The following OPCML variants were observed in gnomAD, a reference collection of about 807,000 sequenced individuals.
OPCML encodes the protein opioid-binding protein/cell adhesion molecule.
In OPCML, 13 loss-of-function variants were observed where a neutral mutation model predicts 37.8. That is an observed-to-expected ratio of 0.34 (90% confidence interval 0.22 to 0.55). OPCML has a LOEUF of 0.55. OPCML is among the 20% of genes least tolerant of loss of function. The pLI, the probability that OPCML is intolerant of heterozygous loss-of-function variation, is 0.91. For synonymous variants in OPCML, 176 were observed against 168.8 expected (o/e 1.04, Z -0.33); for missense variants, 341 against 435.6 (o/e 0.78, Z 1.93).
intron 1 of OPCML, among the ~76,000 whole-genome samples, chr11:132,957,406 G>T (rs1186049782): frequency 6.6e-6 from 1 of 152,098 alleles, no homozygotes; most frequent in African/African-American, 2.4e-5. Flanking sequence ...CATAATCAGA[G>T]TTCTCCAGGG....
In OPCML at chr11:132,657,071, T is replaced by C. The variant is rs756878267; in HGVS notation, c.379+16A>G. ...CACTGACGGGAATGGCAACCCCAGA[T>C]CCAGCTGGGACTTACCTTGCACTAT... is the stretch of plus-strand genomic sequence containing the variant. On this transcript the variant is annotated intron_variant, in intron 3 of 7. Coordinates refer to ENST00000524381, the MANE Select transcript of OPCML (RefSeq NM_001012393.5). 2.5e-6 allele frequency: 4 copies of C among 1,610,924 alleles called. No homozygotes were observed. Among genetic ancestry groups the C allele is most frequent in the Non-Finnish European group, 3.4e-6 (4 of 1,177,612 alleles).
At chr11:133,083,389 C>G (rs564047605) in intron 1 of OPCML, among the ~76,000 whole-genome samples, 1 of 152,142 alleles carries the variant, frequency 6.6e-6, no homozygotes, top group Non-Finnish European at 1.5e-5. Context: ...ATACTGGTGC[C>G]CCTGTCTCGG....
At chr11:132,670,111 C>T (rs951886303) in intron 2 of OPCML, among the ~76,000 whole-genome samples, 1 of 152,194 alleles carries the variant, frequency 6.6e-6, no homozygotes, top group Admixed American at 6.5e-5. Flanking sequence ...CAAGCACACA[C>T]CATTTTAATT....
chr11:133,103,728 T>C (rs1949118513), intron 1 of OPCML, among the ~76,000 whole-genome samples: 1 of 152,210 alleles, frequency 6.6e-6, no homozygotes, highest in Non-Finnish European at 1.5e-5. Context: ...CAGGCCTTCC[T>C]AGCAGCCAGA....
intron 1 of OPCML, chr11:133,299,026 A>G (rs1942710630): frequency 6.6e-6 from 1 of 152,190 alleles, no homozygotes. Flanking sequence ...GTGTAGTATC[A>G]TAGGGTCATC....
intron 2 of OPCML, among the ~76,000 whole-genome samples, chr11:132,889,127 A>G (rs1428270815): frequency 1.3e-5 from 2 of 152,238 alleles, no homozygotes; most frequent in African/African-American, 4.8e-5. Context: ...TGTTTGCCTC[A>G]GGACTGCAAC....
intron 1 of OPCML, among the ~76,000 whole-genome samples, chr11:133,072,434 TAGAA>T (rs1948553155): frequency 6.6e-6 from 1 of 152,076 alleles, no homozygotes; most frequent in Non-Finnish European, 1.5e-5. Flanking sequence ...TAAAAGCAGT[TAGAA>T]AGAGAAAATA....
chr11:132,641,986 C>G (rs1432721293), intron 3 of OPCML, among the ~76,000 whole-genome samples: 2 of 152,142 alleles, frequency 1.3e-5, no homozygotes, highest in Non-Finnish European at 2.9e-5. Context: ...TCTTTTGAAA[C>G]TAGAGAATAG....
chr11:132,779,094 A>C (rs1946907542), intron 2 of OPCML, among the ~76,000 whole-genome samples: 1 of 149,556 alleles, frequency 6.7e-6, no homozygotes, highest in Admixed American at 6.8e-5. Context: ...CAGCCTCCTG[A>C]GTAGCTGGGA....
chr11:132,478,146 T>C (rs1326243203), intron 4 of OPCML, among the ~76,000 whole-genome samples: 1 of 152,240 alleles, frequency 6.6e-6, no homozygotes, highest in Non-Finnish European at 1.5e-5. Context: ...TGAAATGATA[T>C]AATACAGTAT....
intron 2 of OPCML, among the ~76,000 whole-genome samples, chr11:132,866,821 A>G (rs556931283): frequency 1.3e-5 from 2 of 152,312 alleles, no homozygotes; most frequent in Admixed American, 6.5e-5. Flanking sequence ...AACTTAAGCA[A>G]CTTTCTTCAG....
intron 2 of OPCML, among the ~76,000 whole-genome samples, chr11:132,855,477 G>A (rs961464081): frequency 6.6e-6 from 1 of 152,202 alleles, no homozygotes; most frequent in African/African-American, 2.4e-5. Flanking sequence ...TGTTGTCTCA[G>A]CAAATTGGGT....
Position 132,417,492 on chromosome 11 carries a change from T to C in OPCML, c.*2701A>G, listed in dbSNP as rs534595012. ...CACCAGAGGGGCATCTTAGTATCCTTTGGAAGGGGGAACAGCAGGGTTCCA... is the reference window on the plus strand; with the variant it reads ...CACCAGAGGGGCATCTTAGTATCCTCTGGAAGGGGGAACAGCAGGGTTCCA... On this transcript the variant is annotated 3_prime_UTR_variant, in exon 8 of 8. Coordinates refer to ENST00000524381, the MANE Select transcript of OPCML (RefSeq NM_001012393.5). 59 of 152,264 alleles carry C rather than the reference T, an allele frequency of 3.9e-4. 1 individual carries two copies. The highest frequency in any genetic ancestry group is 1.3e-3 in the African/African-American group (56 of 41,544). The allele number at this position is 152,264 out of a possible 1,614,324, so 9.4% of individuals were successfully genotyped here. A position where few individuals can be genotyped will look rare whatever the true frequency, so the allele number is the denominator to read the frequency against.
Position 132,781,157 on chromosome 11 carries a change from G to A in OPCML, c.147-123838C>T, listed in dbSNP as rs115912006. On this transcript the variant is annotated intron_variant, in intron 2 of 7. Transcript: ENST00000524381. ...TGTGTCAAGCTAATGAGGCCACAGC[G>A]TGCCCAGACATTTGGTCAACCGTTA... Among the ~76,000 whole-genome samples the A allele has an allele frequency of 2.2e-3, 342 of 152,150 alleles. 2 individuals are homozygous for A. The highest frequency in any genetic ancestry group is 7.9e-3 in the African/African-American group (326 of 41,514).
At chr11:133,191,700 G>T (rs1394636700) in intron 1 of OPCML, among the ~76,000 whole-genome samples, 1 of 151,998 alleles carries the variant, frequency 6.6e-6, no homozygotes, top group Non-Finnish European at 1.5e-5. Flanking sequence ...CACCATGTTG[G>T]CCAGGCTGGT....
intron 3 of OPCML, among the ~76,000 whole-genome samples, chr11:132,545,239 G>A (rs1203083900): frequency 6.6e-6 from 1 of 152,144 alleles, no homozygotes; most frequent in Non-Finnish European, 1.5e-5. Flanking sequence ...TTATGGAGCT[G>A]TGAAGTGGCG....
intron 1 of OPCML, among the ~76,000 whole-genome samples, chr11:133,234,901 G>T (rs1940442772): frequency 6.6e-6 from 1 of 152,068 alleles, no homozygotes; most frequent in African/African-American, 2.4e-5. Context: ...CTCGTCTCTG[G>T]CCAAGCCTAT....
intron 2 of OPCML, among the ~76,000 whole-genome samples, chr11:132,886,778 T>C (rs1235637189): frequency 3.3e-5 from 5 of 152,202 alleles, no homozygotes; most frequent in Non-Finnish European, 7.3e-5. Context: ...CCCTGCAGCA[T>C]CTTTGGAAAT....
At chr11:132,661,935 GT>G (rs2135787842) in intron 2 of OPCML, among the ~76,000 whole-genome samples, 1 of 152,278 alleles carries the variant, frequency 6.6e-6, no homozygotes, top group African/African-American at 2.4e-5. Context: ...GAAGACACTT[GT>G]ACACATTCTT....
Sources: gnomAD v4.1 joint callset for allele counts (sites outside exome capture counted in the v4.1 genomes callset) on GRCh38, gnomAD v4.1.1 for gene constraint, MANE v1.5 for transcripts, NCBI Gene and HGNC (gene_info 2026-07-23, HGNC 2026-07-21) for gene names.